The following SNX30 variants were observed in gnomAD, a reference collection of about 807,000 sequenced individuals.
SNX30 encodes sorting nexin family member 30, also known as sorting nexin-30.
A neutral mutation model predicts 46.4 loss-of-function variants in SNX30; 24 were observed. The ratio of observed to expected loss-of-function variants is 0.52; its 90% CI spans 0.37 to 0.73. The LOEUF is 0.73. Ranked by LOEUF, SNX30 falls within the 30% of genes least tolerant of loss-of-function variation. The probability of loss-of-function intolerance (pLI) is 0.00; values close to 1 mark genes in which losing one functional copy is unlikely to be tolerated. For synonymous variants in SNX30, 189 were observed against 211.5 expected, an observed-to-expected ratio of 0.89 and a Z score of 0.92; for missense variants, 533 against 555.7, an observed-to-expected ratio of 0.96 and a Z score of 0.41.
intron 1 of SNX30, among the ~76,000 whole-genome samples, chr9:112,793,986 G>A (rs1441264751): frequency 6.6e-6 from 1 of 150,544 alleles, no homozygotes; most frequent in Admixed American, 6.6e-5. Context: ...TGAGCCTTTG[G>A]GATTTTTCTA....
chr9:112,769,105 C>T (rs1839602061), intron 1 of SNX30, among the ~76,000 whole-genome samples: 1 of 152,156 alleles, frequency 6.6e-6, no homozygotes, highest in African/African-American at 2.4e-5. Context: ...GGTACAAACA[C>T]CTGTGGAGGC....
chr9:112,879,140 C>T (rs1422512232), downstream of SNX30: 2 of 152,240 alleles, frequency 1.3e-5, no homozygotes. Context: ...AGTAACAAAA[C>T]TACCCAGAAG....
At chr9:112,778,774 T>A (rs1169396997) in intron 1 of SNX30, among the ~76,000 whole-genome samples, 1 of 152,118 alleles carries the variant, frequency 6.6e-6, no homozygotes, top group East Asian at 1.9e-4. Flanking sequence ...AGCTACCAGG[T>A]CCATGCTTTC....
intron 7 of SNX30, among the ~76,000 whole-genome samples, chr9:112,855,359 C>T (rs1841105560): frequency 6.6e-6 from 1 of 152,036 alleles, no homozygotes; most frequent in African/African-American, 2.4e-5. Context: ...AGGAGAGGTC[C>T]CCTGGTATGG....
chr9:112,832,459 AGTGTGTGT>A (rs34515014), intron 4 of SNX30, among the ~76,000 whole-genome samples: 29 of 111,282 alleles, frequency 2.6e-4, no homozygotes, highest in East Asian at 5.5e-4. Context: ...AGAGAGAGAG[AGTGTGTGT>A]GTGTGTGTGT....
chr9:112,780,209 A>G (rs1253829711), intron 1 of SNX30, among the ~76,000 whole-genome samples: 1 of 152,210 alleles, frequency 6.6e-6, no homozygotes, highest in African/African-American at 2.4e-5. Flanking sequence ...ATGTACATGT[A>G]TGTATATGAG....
downstream of SNX30, among the ~76,000 whole-genome samples, chr9:112,883,560 G>A (rs1292831905): frequency 6.6e-6 from 1 of 151,846 alleles, no homozygotes; most frequent in African/African-American, 2.4e-5. Flanking sequence ...GGCACATAGG[G>A]CTGTTTAAGA....
At chr9:112,787,278 AACCTGTTCTGT>A (rs1839945147) in intron 1 of SNX30, among the ~76,000 whole-genome samples, 1 of 152,214 alleles carries the variant, frequency 6.6e-6, no homozygotes, top group African/African-American at 2.4e-5. Flanking sequence ...GTACAGGGAG[AACCTGTTCTGT>A]ACGGGGAGAA....
intron 4 of SNX30, among the ~76,000 whole-genome samples, chr9:112,833,880 C>T (rs547140000): frequency 5.3e-5 from 8 of 152,282 alleles, no homozygotes; most frequent in African/African-American, 1.9e-4. Context: ...AGGACACTCT[C>T]TCAGGCAGCC....
At chr9:112,811,075 G>A (rs976821028) in intron 2 of SNX30, among the ~76,000 whole-genome samples, 4 of 152,316 alleles carry the variant, frequency 2.6e-5, no homozygotes, top group South Asian at 2.1e-4. Context: ...TAACTATGGC[G>A]TGGGTCTTCC....
chr9:112,838,524 G>A lies in SNX30; in HGVS notation c.841G>A (p.Gly281Arg). 5.0e-6 allele frequency: 8 copies of A among 1,613,452 alleles called. No homozygotes were observed. Among genetic ancestry groups the A allele is most frequent in the South Asian group, 1.1e-5 (1 of 91,002 alleles). Residue 281 changes from glycine to arginine, a missense_variant, in exon 6 of 9, where the codon GGG becomes AGG. By Grantham distance (125) the Gly-to-Arg change is moderately radical. Around this residue, in one of 3 missense-constraint regions of SNX30, gnomAD observed 261 missense variants for 270.9 expected, o/e 0.96. Transcript: ENST00000374232. ...GTACCTTGTGGAGCTGAGAGAATAC[G>A]GGCCTGTGTACTCCACATGGAGCGC... ...IEYLVELREY[G>R]PVYSTWSALE...
At chr9:112,764,923 C>T (rs992475424) in intron 1 of SNX30, among the ~76,000 whole-genome samples, 26 of 152,218 alleles carry the variant, frequency 1.7e-4, no homozygotes, top group East Asian at 7.7e-4. Flanking sequence ...TGTGGCAGCG[C>T]GCCTCCCTCA....
chr9:112,795,990 G>C (rs1840103350), intron 1 of SNX30, among the ~76,000 whole-genome samples: 1 of 152,154 alleles, frequency 6.6e-6, no homozygotes, highest in Non-Finnish European at 1.5e-5. Context: ...GATTCAAGCA[G>C]ATTCCTGGAA....
At chr9:112,783,810 A>G (rs1839881099) in intron 1 of SNX30, among the ~76,000 whole-genome samples, 1 of 152,194 alleles carries the variant, frequency 6.6e-6, no homozygotes, top group Non-Finnish European at 1.5e-5. Context: ...GAGAGTGGAA[A>G]AAACGGTTTG....
At position 112,869,029 on chromosome 9, in the gene SNX30, G is replaced by T; in HGVS notation, c.*186G>T. On this transcript the variant is annotated 3_prime_UTR_variant, in exon 9 of 9. Coordinates refer to ENST00000374232, the MANE Select transcript of SNX30 (RefSeq NM_001012994.2). ...TTCAATTAGTATTTATTCCATGGTG[G>T]AGTCTGTGAGGCTAGAATATCTCTC... The T allele has an allele frequency of 1.6e-6, 1 of 612,450 alleles. No individual in the cohort carries two copies. The highest frequency in any genetic ancestry group is 2.9e-6 in the Non-Finnish European group (1 of 342,682). The allele number at this position is 612,450 out of a possible 1,614,324, so 37.9% of individuals were successfully genotyped here.
chr9:112,795,965 C>T (rs1465171357), intron 1 of SNX30, among the ~76,000 whole-genome samples: 2 of 152,072 alleles, frequency 1.3e-5, no homozygotes, highest in Non-Finnish European at 2.9e-5. Context: ...TCAAGGAAAG[C>T]GTTAAAGGAG....
intron 1 of SNX30, among the ~76,000 whole-genome samples, chr9:112,762,963 G>C (rs2131353033): frequency 6.6e-6 from 1 of 152,282 alleles, no homozygotes; most frequent in South Asian, 2.1e-4. Flanking sequence ...ACGGCTGCTT[G>C]GGTGGGGTGT....
At chr9:112,769,570 C>T (rs1839611669) in intron 1 of SNX30, among the ~76,000 whole-genome samples, 10 of 152,224 alleles carry the variant, frequency 6.6e-5, no homozygotes, top group Admixed American at 6.5e-4. Flanking sequence ...TTCTGGGATT[C>T]CACTCACTGT....
rs139290535 is a variant in SNX30, at chr9:112,814,915, C to T, written c.349-2790C>T. On this transcript the variant is annotated intron_variant, in intron 2 of 8. Coordinates refer to ENST00000374232, the MANE Select transcript of SNX30 (RefSeq NM_001012994.2). ...TTAAATGGGGATTTGGTTTAATTATCGTGTAACCATTCAGTGGAATACTAT... is the reference window on the plus strand; with the variant it reads ...TTAAATGGGGATTTGGTTTAATTATTGTGTAACCATTCAGTGGAATACTAT... Among the ~76,000 whole-genome samples the T allele has an allele frequency of 3.2e-4, 49 of 152,206 alleles. 1 individual carries two copies. Among genetic ancestry groups the T allele is most frequent in the African/African-American group, 1.1e-3 (46 of 41,558 alleles).
Sources: gnomAD v4.1 joint callset for allele counts (sites outside exome capture counted in the v4.1 genomes callset) on GRCh38, gnomAD v4.1.1 for gene constraint, gnomAD v4.1.1 regional missense constraint, MANE v1.5 for transcripts, NCBI Gene and HGNC (gene_info 2026-07-23, HGNC 2026-07-21) for gene names.